The following WDR49 variants were observed in gnomAD, a reference collection of about 807,000 sequenced individuals.
WDR49 encodes cilia- and flagella-associated protein 337.
A neutral mutation model predicts 119.5 loss-of-function variants in WDR49; 107 were observed. The ratio of observed to expected loss-of-function variants is 0.90; its 90% CI spans 0.77 to 1.05. WDR49 has a LOEUF of 1.05. WDR49 is among the 50% of genes least tolerant of loss of function. WDR49 has a pLI of 0.00. For missense variants in WDR49, 1,240 were observed against 1,220.5 expected (o/e 1.02, Z -0.24); for synonymous variants, 425 against 418.8 (o/e 1.01, Z -0.18).
intron 16 of WDR49, among the ~76,000 whole-genome samples, chr3:167,514,919 C>T (rs931939491): frequency 6.6e-5 from 10 of 152,104 alleles, no homozygotes; most frequent in African/African-American, 2.4e-4. Context: ...AACACCCTCT[C>T]AAGACTGAAC....
intron 5 of WDR49, among the ~76,000 whole-genome samples, chr3:167,612,051 T>G (rs1243902845): frequency 6.6e-6 from 1 of 152,194 alleles, no homozygotes; most frequent in African/African-American, 2.4e-5. Flanking sequence ...CCTCAGCACA[T>G]GAATCATTCT....
intron 2 of WDR49, among the ~76,000 whole-genome samples, chr3:167,643,596 T>C (rs1182857162): frequency 1.3e-5 from 2 of 152,132 alleles, no homozygotes; most frequent in Non-Finnish European, 2.9e-5. Context: ...CATTAGGTAA[T>C]GTATAAAGTT....
At chr3:167,530,861 G>T (rs542426360) in intron 13 of WDR49, among the ~76,000 whole-genome samples, 107 of 152,124 alleles carry the variant, frequency 7.0e-4, no homozygotes, top group African/African-American at 2.5e-3. Flanking sequence ...CCAATAATTT[G>T]TCAGAATTTT....
At chr3:167,620,127 TA>T (rs1350896775) in intron 5 of WDR49, among the ~76,000 whole-genome samples, 1 of 152,170 alleles carries the variant, frequency 6.6e-6, no homozygotes, top group African/African-American at 2.4e-5. Flanking sequence ...TGAGATTAGC[TA>T]GGCTCAGAGT....
chr3:167,502,341 T>C (rs1271637688), intron 17 of WDR49, among the ~76,000 whole-genome samples: 1 of 152,164 alleles, frequency 6.6e-6, no homozygotes, highest in Non-Finnish European at 1.5e-5. Context: ...TTTACGGCAA[T>C]GCAAAAATGG....
intron 10 of WDR49, among the ~76,000 whole-genome samples, chr3:167,550,778 TGAGAGAGAGAGAGA>T (rs757566403): frequency 6.9e-6 from 1 of 144,016 alleles, no homozygotes. Context: ...TTTTTTTTTT[TGAGAGAGAGAGAGA>T]GAGAGAGCTT....
At chr3:167,500,449 C>A (rs1751519041) in intron 17 of WDR49, 150 bp from the exon 18 acceptor site, 1 of 866,000 alleles carries the variant, frequency 1.2e-6, no homozygotes, top group African/African-American at 1.8e-5. Context: ...ATCTGCAAAC[C>A]CTACAAACAC....
chr3:167,631,695 G>T (rs1577290143), intron 2 of WDR49, among the ~76,000 whole-genome samples: 1 of 152,196 alleles, frequency 6.6e-6, no homozygotes, highest in East Asian at 1.9e-4. Context: ...AGCATATTGT[G>T]GAGCAGGTCA....
intron 5 of WDR49, among the ~76,000 whole-genome samples, chr3:167,611,710 T>G (rs1174497412): frequency 6.6e-6 from 1 of 151,974 alleles, no homozygotes; most frequent in Non-Finnish European, 1.5e-5. Flanking sequence ...CAAAATAGAT[T>G]TCGAGACAAA....
In WDR49 at chr3:167,621,636, A is replaced by T. The variant is rs1716877021; in HGVS notation, c.614T>A (p.Val205Glu). The change falls in exon 4 of 19, where the codon GTG becomes GAG. Residue 205 changes from valine (V) to glutamate (E), a missense_variant. By Grantham distance (121) the Val-to-Glu change is moderately radical. Coordinates refer to ENST00000682715, the MANE Select transcript of WDR49 (RefSeq NM_001366157.1). The part of the protein sequence containing the change: ...VSLENVNKIA[V>E]AFTSKEVCFY... ...ACAAACCTCTTTACTTGTAAAAGCC[A>T]CTGCTATCTAAAGTAGCAGAGTAGA... 7 of 1,530,938 alleles carry T rather than the reference A, an allele frequency of 4.6e-6. No homozygotes were observed. The African/African-American group carries it at 6.9e-5, about 15-fold the overall frequency. The allele number at this position is 1,530,938 out of a possible 1,614,324, so 94.8% of individuals were successfully genotyped here. A position where few individuals can be genotyped will look rare whatever the true frequency, so the allele number is the denominator to read the frequency against.
intron 18 of WDR49, among the ~76,000 whole-genome samples, chr3:167,488,365 G>C (rs1751004625): frequency 6.6e-6 from 1 of 151,914 alleles, no homozygotes; most frequent in African/African-American, 2.4e-5. Context: ...ATGTAAATAT[G>C]ATAAAAACAG....
At chr3:167,611,828 T>C (rs1560312970) in intron 5 of WDR49, among the ~76,000 whole-genome samples, 1 of 152,182 alleles carries the variant, frequency 6.6e-6, no homozygotes, top group South Asian at 2.1e-4. Context: ...GGGAGCACTT[T>C]GATACATAAG....
At chr3:167,522,599 G>A (rs1752494785) in intron 15 of WDR49, 115 bp from the exon 16 acceptor site, 1 of 1,064,136 alleles carries the variant, frequency 9.4e-7, no homozygotes, top group Non-Finnish European at 1.3e-6. Flanking sequence ...GGACACACAA[G>A]AAGATGAAAA....
chr3:167,544,355 A>G (rs754137567), intron 10 of WDR49, among the ~76,000 whole-genome samples: 3 of 152,156 alleles, frequency 2.0e-5, no homozygotes, highest in Non-Finnish European at 4.4e-5. Context: ...CCACACAGCC[A>G]AAGTAATAGT....
At chr3:167,505,096 C>A (rs1421896953) in intron 17 of WDR49, among the ~76,000 whole-genome samples, 1 of 152,176 alleles carries the variant, frequency 6.6e-6, no homozygotes, top group Non-Finnish European at 1.5e-5. Context: ...TAAGACCTTA[C>A]ACTTTTTCCG....
intron 10 of WDR49, among the ~76,000 whole-genome samples, chr3:167,546,054 A>C (rs1326754294): frequency 2.6e-5 from 4 of 151,814 alleles, no homozygotes; most frequent in African/African-American, 9.7e-5. Flanking sequence ...GTTTGGTTGA[A>C]AGATTACCCT....
intron 8 of WDR49, among the ~76,000 whole-genome samples, chr3:167,562,713 G>C (rs904895881): frequency 2.0e-5 from 3 of 152,208 alleles, no homozygotes; most frequent in Non-Finnish European, 4.4e-5. Context: ...GAGTCAGGAT[G>C]CCTAAGTTTG....
chr3:167,564,161 T>A (rs953720013), intron 8 of WDR49, among the ~76,000 whole-genome samples: 1 of 152,236 alleles, frequency 6.6e-6, no homozygotes, highest in Non-Finnish European at 1.5e-5. Flanking sequence ...CTTTCTCTGC[T>A]TATTTAACAA....
intron 16 of WDR49, among the ~76,000 whole-genome samples, chr3:167,518,095 G>T (rs2108227748): frequency 6.6e-6 from 1 of 152,070 alleles, no homozygotes; most frequent in South Asian, 2.1e-4. Flanking sequence ...AGTATTCCAT[G>T]GTGTATATGT....
Sources: allele counts gnomAD v4.1 joint callset (sites outside exome capture counted in the v4.1 genomes callset), GRCh38; gene constraint gnomAD v4.1.1; transcripts MANE v1.5; gene names NCBI Gene and HGNC (gene_info 2026-07-23, HGNC 2026-07-21).